The following AGAP1 variants were observed in gnomAD, a reference collection of about 807,000 sequenced individuals.
The protein encoded by AGAP1 is arf-GAP with GTPase, ANK repeat and PH domain-containing protein 1.
A neutral mutation model predicts 105.3 loss-of-function variants in AGAP1; 29 were observed. The ratio of observed to expected loss-of-function variants is 0.28; its 90% CI spans 0.21 to 0.38. The LOEUF (loss-of-function observed/expected upper bound fraction) is 0.38. AGAP1 is among the 10% of genes least tolerant of loss of function. The pLI, the probability that AGAP1 is intolerant of heterozygous loss-of-function variation, is 1.00. For synonymous variants in AGAP1, 509 were observed against 485.9 expected (o/e 1.05, Z -0.63); for missense variants, 998 against 1,165.1 (o/e 0.86, Z 2.09).
chr2:235,998,862 T>C (rs1313892242), intron 13 of AGAP1, among the ~76,000 whole-genome samples: 1 of 150,748 alleles, frequency 6.6e-6, no homozygotes, highest in East Asian at 2.0e-4. Context: ...GTGACCATGG[T>C]GAGAGTTGGT....
chr2:235,821,695 T>C (rs1253616165), intron 9 of AGAP1, among the ~76,000 whole-genome samples: 1 of 152,216 alleles, frequency 6.6e-6, no homozygotes, highest in Non-Finnish European at 1.5e-5. Flanking sequence ...ATTGGTAAGG[T>C]ACTAGTAACT....
intron 6 of AGAP1, among the ~76,000 whole-genome samples, chr2:235,766,897 A>G (rs895009102): frequency 5.6e-5 from 8 of 141,846 alleles, no homozygotes; most frequent in African/African-American, 1.8e-4. Context: ...GCGTGCCACC[A>G]CACCGGCTAA....
At chr2:235,547,232 T>C (rs1157884193) in intron 1 of AGAP1, among the ~76,000 whole-genome samples, 1 of 152,214 alleles carries the variant, frequency 6.6e-6, no homozygotes, top group Admixed American at 6.5e-5. Flanking sequence ...TTACACACTT[T>C]ATTCTTCTGA....
At position 235,993,059 on chromosome 2, in the gene AGAP1, A is replaced by G. The variant is rs138681386; in HGVS notation, c.1645+24436A>G. 1.8e-3 allele frequency among the ~76,000 whole-genome samples: 267 copies of G among 152,326 alleles called. 3 individuals carry two copies. The highest frequency in any genetic ancestry group is 6.2e-3 in the African/African-American group (258 of 41,570). On this transcript the variant is annotated intron_variant, in intron 13 of 17. Transcript: ENST00000304032. The surrounding 1 kb of genome is among the most constrained non-coding windows in gnomAD (Gnocchi z 5.0). ...AGTTTAAGACATGGACTTTTTTCAT[A>G]TGTACATCTGAAAATGACTTTAGCA... is the stretch of plus-strand genomic sequence containing the variant.
intron 13 of AGAP1, among the ~76,000 whole-genome samples, chr2:236,034,588 A>G (rs1276559285): frequency 1.3e-5 from 2 of 152,168 alleles, no homozygotes; most frequent in Non-Finnish European, 2.9e-5. Flanking sequence ...GGTGACTGAG[A>G]GCACAAAGGA....
Position 235,959,300 on chromosome 2 carries a change from G to C in AGAP1, c.1484-9162G>C, listed in dbSNP as rs1392876867. Among the ~76,000 whole-genome samples the C allele has an allele frequency of 6.6e-6, 1 of 152,174 alleles. No individual in the cohort carries two copies. Among genetic ancestry groups the C allele is most frequent in the Non-Finnish European group, 1.5e-5 (1 of 68,028 alleles). ...TTACAGTGTCTCAGGCGGGGCTTTC[G>C]GGGCCTCTTCAATTTGAGGAATACC... On this transcript the variant is annotated intron_variant, in intron 12 of 17. Coordinates refer to ENST00000304032, the MANE Select transcript of AGAP1 (RefSeq NM_001037131.3). This position sits in a 1 kb window ranked among gnomAD's most constrained non-coding sequence, Gnocchi z 7.3.
chr2:236,056,959 G>A lies in AGAP1; in HGVS notation c.2114+7678G>A, dbSNP rs1215299769. On this transcript the variant is annotated intron_variant, in intron 16 of 17. Coordinates refer to ENST00000304032, the MANE Select transcript of AGAP1 (RefSeq NM_001037131.3). This position sits in a 1 kb window ranked among gnomAD's most constrained non-coding sequence, Gnocchi z 4.6. ...CACCACTCCCACTCGCCCCTGGTCA[G>A]TTTCTATCTCAGTAGCCATCGTGTG... Among the ~76,000 whole-genome samples, 1 of 152,206 alleles carries A rather than the reference G, an allele frequency of 6.6e-6. No individual in the cohort carries two copies. Among genetic ancestry groups the A allele is most frequent in the Non-Finnish European group, 1.5e-5 (1 of 68,036 alleles).
intron 9 of AGAP1, among the ~76,000 whole-genome samples, chr2:235,828,607 G>A (rs535338584): frequency 6.6e-5 from 10 of 152,296 alleles, no homozygotes; most frequent in Admixed American, 2.0e-4. Flanking sequence ...AATTGGAAAC[G>A]TAGAGGGTAG....
chr2:235,918,713 A>G (rs576239148), intron 11 of AGAP1, among the ~76,000 whole-genome samples: 1 of 151,948 alleles, frequency 6.6e-6, no homozygotes, highest in Non-Finnish European at 1.5e-5. Flanking sequence ...CATGTTACCC[A>G]TCATGTTAAA....
chr2:235,906,224 C>T lies in AGAP1; in HGVS notation c.1156-2514C>T, dbSNP rs1364904039. On this transcript the variant is annotated intron_variant, in intron 10 of 17. Coordinates refer to ENST00000304032, the MANE Select transcript of AGAP1 (RefSeq NM_001037131.3). This position sits in a 1 kb window ranked among gnomAD's most constrained non-coding sequence, Gnocchi z 5.3. The stretch of plus-strand genomic sequence containing the variant: ...CCGGCCTCTGGGCTGATGTGAGATG[C>T]ACGCGTGCCAGGGTTTTCTGCCTGG... 6.6e-6 allele frequency among the ~76,000 whole-genome samples: 1 copy of T among 152,200 alleles called. No homozygotes were observed. The highest frequency in any genetic ancestry group is 1.5e-5 in the Non-Finnish European group (1 of 68,038).
At chr2:235,501,735 C>A (rs1010770633) in intron 1 of AGAP1, among the ~76,000 whole-genome samples, 1 of 152,070 alleles carries the variant, frequency 6.6e-6, no homozygotes, top group Non-Finnish European at 1.5e-5. Flanking sequence ...GATTTCGTTT[C>A]GTCTTATGTT....
chr2:236,084,351 T>A (rs1279094953), intron 16 of AGAP1, among the ~76,000 whole-genome samples: 1 of 152,136 alleles, frequency 6.6e-6, no homozygotes, highest in Non-Finnish European at 1.5e-5. Flanking sequence ...GCTGTAAGGA[T>A]CATTCTGGAA....
At chr2:235,898,565 C>T (rs116765815) in intron 10 of AGAP1, among the ~76,000 whole-genome samples, 3,429 of 145,044 alleles carry the variant, frequency 0.024, 101 homozygotes, top group African/African-American at 0.083. Flanking sequence ...ATTGCTACCT[C>T]AAGTGGGAAC....
rs1478644947 is a variant in AGAP1, at chr2:236,055,097, C to T, written c.2114+5816C>T. Among the ~76,000 whole-genome samples, 1 of 152,204 alleles carries T rather than the reference C, an allele frequency of 6.6e-6. No individual in the cohort carries two copies. The highest frequency in any genetic ancestry group is 1.5e-5 in the Non-Finnish European group (1 of 68,046). ...GACCTCCCGCTTGTCAAGGTCCGGG[C>T]TGTGCTCTTCTTTCAATTAAGTTCT... On this transcript the variant is annotated intron_variant, in intron 16 of 17. Transcript: ENST00000304032. The surrounding 1 kb of genome is among the most constrained non-coding windows in gnomAD (Gnocchi z 6.2).
At chr2:235,846,386 C>T (rs1026554726) in intron 9 of AGAP1, among the ~76,000 whole-genome samples, 1 of 148,614 alleles carries the variant, frequency 6.7e-6, no homozygotes, top group South Asian at 2.2e-4. Context: ...TGCAGTGGTG[C>T]GATGATCTCA....
At chr2:235,974,503 G>C (rs2054779086) in intron 13 of AGAP1, among the ~76,000 whole-genome samples, 1 of 152,224 alleles carries the variant, frequency 6.6e-6, no homozygotes, top group Non-Finnish European at 1.5e-5. Context: ...TTGTTCTGAA[G>C]GTCTCAGAAG....
In AGAP1 at chr2:235,861,591, A is replaced by G. The variant is rs544656709; in HGVS notation, c.1051-21754A>G. Among the ~76,000 whole-genome samples, 114 of 152,300 alleles carry G rather than the reference A, an allele frequency of 7.5e-4. No individual in the cohort carries two copies. The South Asian group carries it at 0.021, about 28-fold the overall frequency. ...CCTCTGTCACCCACATGCACTACCT[A>G]TGTTTAGCAGGGCAGCCTCTGCCTG... On this transcript the variant is annotated intron_variant, in intron 9 of 17. Transcript: ENST00000304032.
Position 236,009,751 on chromosome 2 carries a change from G to A in AGAP1, c.1646-26810G>A, listed in dbSNP as rs1031682434. The stretch of plus-strand genomic sequence containing the variant: ...GGGCTGCAGCGTGCCTCATTTAGCC[G>A]TCCCTGCTCGGTTCACGCCAAGGAT... On this transcript the variant is annotated intron_variant, in intron 13 of 17. Coordinates refer to ENST00000304032, the MANE Select transcript of AGAP1 (RefSeq NM_001037131.3). The surrounding 1 kb of genome is among the most constrained non-coding windows in gnomAD (Gnocchi z 4.2). 2.6e-5 allele frequency among the ~76,000 whole-genome samples: 4 copies of A among 152,248 alleles called. No individual in the cohort carries two copies. The highest frequency in any genetic ancestry group is 2.1e-4 in the South Asian group (1 of 4,814).
rs552337151 is a variant in AGAP1, at chr2:235,719,834, C to T, written c.310+2190C>T. On this transcript the variant is annotated intron_variant, in intron 3 of 17. Transcript: ENST00000304032. The surrounding 1 kb of genome is among the most constrained non-coding windows in gnomAD (Gnocchi z 4.9). ...TGTGAGGAGCTGACAGCAGCAGACA[C>T]CCAGGTGCACCCCAGTGGGTGTGTG... Among the ~76,000 whole-genome samples, 1 of 152,292 alleles carries T rather than the reference C, an allele frequency of 6.6e-6. No homozygotes were observed. Among genetic ancestry groups the T allele is most frequent in the South Asian group, 2.1e-4 (1 of 4,828 alleles).
Sources: gnomAD v4.1 joint callset for allele counts (sites outside exome capture counted in the v4.1 genomes callset) on GRCh38, gnomAD v4.1.1 for gene constraint, Gnocchi (gnomAD v3.1) non-coding constraint, MANE v1.5 for transcripts, NCBI Gene and HGNC (gene_info 2026-07-23, HGNC 2026-07-21) for gene names.